GRK5: variants seen among roughly 807,000 people sequenced by gnomAD.
The protein encoded by GRK5 is g protein-coupled receptor kinase GRK5.
A neutral mutation model predicts 78.4 loss-of-function variants in GRK5; 40 were observed. That is an observed-to-expected ratio of 0.51 (90% CI 0.40 to 0.66). The LOEUF (loss-of-function observed/expected upper bound fraction) is 0.66. Ranked by LOEUF, GRK5 falls within the 30% of genes least tolerant of loss-of-function variation. The pLI is 0.00. For synonymous variants in GRK5, 289 were observed against 296.8 expected (o/e 0.97, Z 0.27); for missense variants, 598 against 759.9 (o/e 0.79, Z 2.50).
rs745587065 is a variant in GRK5 at position 119,443,722 on chromosome 10, C to T, written c.1236C>T (p.Phe412=). 3.6e-5 allele frequency: 58 copies of T among 1,607,434 alleles called. No homozygotes were observed. Among genetic ancestry groups the T allele is most frequent in the East Asian group, 1.6e-4 (7 of 44,674 alleles). The part of the protein sequence containing the change: ...LETEEVYSHK[F]SEEAKSICKM... ...CGGAGGAGGTGTACTCCCACAAGTT[C>T]TCCGAGGAGGCCAAGTCCATCTGCA... The change falls in exon 12 of 16, where the codon TTC becomes TTT. Residue 412 remains phenylalanine (F), a synonymous_variant. Coordinates refer to ENST00000392870, the MANE Select transcript of GRK5 (RefSeq NM_005308.3).
intron 1 of GRK5, among the ~76,000 whole-genome samples, chr10:119,282,362 G>A (rs1353191100): frequency 2.0e-5 from 3 of 152,190 alleles, no homozygotes; most frequent in African/African-American, 7.2e-5. Flanking sequence ...TTGCTGGGAT[G>A]GGAGACACTT....
chr10:119,265,431 C>T (rs746525835), intron 1 of GRK5, among the ~76,000 whole-genome samples: 8 of 152,112 alleles, frequency 5.3e-5, no homozygotes, highest in Admixed American at 1.3e-4. Flanking sequence ...GGAGGTGAGT[C>T]GGTTAAGATG....
intron 1 of GRK5, among the ~76,000 whole-genome samples, chr10:119,269,917 C>T (rs1397974523): frequency 1.3e-5 from 2 of 151,764 alleles, no homozygotes; most frequent in Non-Finnish European, 2.9e-5. Context: ...CCAGCCAGCT[C>T]CAAAGCCTGG....
intron 1 of GRK5, among the ~76,000 whole-genome samples, chr10:119,306,839 T>C (rs1030971304): frequency 1.3e-5 from 2 of 152,028 alleles, no homozygotes; most frequent in African/African-American, 4.8e-5. Context: ...GTCTACTGGG[T>C]GCAGGGCACT....
chr10:119,317,555 G>T (rs1366427745), intron 1 of GRK5, among the ~76,000 whole-genome samples: 1 of 152,146 alleles, frequency 6.6e-6, no homozygotes, highest in African/African-American at 2.4e-5. Context: ...AGGCTTTCCG[G>T]TATAGGAGGG....
chr10:119,212,866 G>T (rs1033534710), intron 1 of GRK5: 2 of 152,254 alleles, frequency 1.3e-5, no homozygotes, highest in African/African-American at 2.4e-5. Flanking sequence ...AGCCGAGTGC[G>T]GTGGCACAGC....
Position 119,343,161 on chromosome 10 carries a change from C to T in GRK5, c.148+16550C>T, listed in dbSNP as rs150325681. Among the ~76,000 whole-genome samples, 28 of 152,174 alleles carry T rather than the reference C, an allele frequency of 1.8e-4. No individual in the cohort carries two copies. The East Asian group carries it at 5.0e-3, about 27-fold the overall frequency. ...GACAGCCCTGTGCAAGTGTGCAAGG[C>T]GGGTGGCTGCCAAGGTCCATCTTCA... On this transcript the variant is annotated intron_variant, in intron 2 of 15. Transcript: ENST00000392870.
chr10:119,278,086 G>A (rs1326989879), intron 1 of GRK5, among the ~76,000 whole-genome samples: 1 of 152,204 alleles, frequency 6.6e-6, no homozygotes, highest in African/African-American at 2.4e-5. Flanking sequence ...CATATGGTAG[G>A]TATAGGTTTA....
At chr10:119,225,759 C>T (rs898961981) in intron 1 of GRK5, among the ~76,000 whole-genome samples, 3 of 151,272 alleles carry the variant, frequency 2.0e-5, no homozygotes, top group Admixed American at 2.0e-4. Context: ...CAACCTCCTC[C>T]TCCTGGGTTC....
intron 1 of GRK5, among the ~76,000 whole-genome samples, chr10:119,289,747 G>C (rs1429550671): frequency 6.6e-6 from 1 of 152,218 alleles, no homozygotes; most frequent in African/African-American, 2.4e-5. Flanking sequence ...CACCGGCTGA[G>C]CTACCTCTGA....
At chr10:119,358,832 G>A (rs1332872003) in intron 2 of GRK5, among the ~76,000 whole-genome samples, 1 of 152,198 alleles carries the variant, frequency 6.6e-6, no homozygotes, top group Non-Finnish European at 1.5e-5. Flanking sequence ...AGATCCAGGT[G>A]CCTCAGGGCT....
At chr10:119,244,274 C>T (rs1410294739) in intron 1 of GRK5, among the ~76,000 whole-genome samples, 3 of 152,232 alleles carry the variant, frequency 2.0e-5, no homozygotes, top group Non-Finnish European at 4.4e-5. Flanking sequence ...AATTTATATT[C>T]TAATAGACCA....
chr10:119,341,315 A>G (rs1052452411), intron 2 of GRK5, among the ~76,000 whole-genome samples: 2 of 152,238 alleles, frequency 1.3e-5, no homozygotes, highest in African/African-American at 4.8e-5. Context: ...GTCAGGACAG[A>G]GTCCAGAGGT....
At chr10:119,437,988 C>T (rs1171117794) in intron 9 of GRK5, among the ~76,000 whole-genome samples, 3 of 152,154 alleles carry the variant, frequency 2.0e-5, no homozygotes, top group Admixed American at 6.5e-5. Context: ...GTCCCAGATA[C>T]TTGGGAGGCT....
At chr10:119,293,037 G>C (rs1232006868) in intron 1 of GRK5, among the ~76,000 whole-genome samples, 1 of 152,138 alleles carries the variant, frequency 6.6e-6, no homozygotes, top group East Asian at 1.9e-4. Context: ...TTCATCTCCT[G>C]TCATATTCTG....
chr10:119,314,982 C>T (rs1363562823), intron 1 of GRK5, among the ~76,000 whole-genome samples: 1 of 152,178 alleles, frequency 6.6e-6, no homozygotes, highest in Non-Finnish European at 1.5e-5. Flanking sequence ...CCTGTATCTG[C>T]CCCACTCCAT....
intron 2 of GRK5, among the ~76,000 whole-genome samples, chr10:119,350,089 A>T (rs1851166755): frequency 6.6e-6 from 1 of 152,248 alleles, no homozygotes; most frequent in Non-Finnish European, 1.5e-5. Flanking sequence ...AGAATGTGCC[A>T]CAGGATGGGG....
At chr10:119,453,555 C>T (rs1853339217) in intron 15 of GRK5, among the ~76,000 whole-genome samples, 1 of 152,224 alleles carries the variant, frequency 6.6e-6, no homozygotes, top group South Asian at 2.1e-4. Flanking sequence ...TTCCTTGTCA[C>T]AGTGCCGTCC....
At chr10:119,392,811 C>T (rs1314049093) in intron 3 of GRK5, among the ~76,000 whole-genome samples, 5 of 152,204 alleles carry the variant, frequency 3.3e-5, no homozygotes, top group African/African-American at 1.2e-4. Context: ...AGATGGAGGT[C>T]ACGAGGGCAC....
Sources: allele counts gnomAD v4.1 joint callset (sites outside exome capture counted in the v4.1 genomes callset), GRCh38; gene constraint gnomAD v4.1.1; transcripts MANE v1.5; gene names NCBI Gene and HGNC (gene_info 2026-07-23, HGNC 2026-07-21).